GNAS: variants seen among roughly 807,000 people sequenced by gnomAD.
GNAS encodes the protein GNAS complex locus.
Under a neutral mutation model 54.5 loss-of-function variants are expected in GNAS, and 8 were observed. The ratio of observed to expected loss-of-function variants is 0.15; its 90% CI spans 0.09 to 0.26. The LOEUF (loss-of-function observed/expected upper bound fraction) is 0.26, where lower values mean the gene tolerates loss of function less well. Ranked by LOEUF, GNAS falls within the 10% of genes least tolerant of loss-of-function variation. The probability of loss-of-function intolerance (pLI) is 1.00; values close to 1 mark genes in which losing one functional copy is unlikely to be tolerated. For synonymous variants in GNAS, 204 were observed against 191.4 expected, an observed-to-expected ratio of 1.07 and a Z score of -0.54; for missense variants, 170 against 529.8, an observed-to-expected ratio of 0.32 and a Z score of 6.67.
At chr20:58,840,514 G>A, upstream of GNAS, 1 of 1,613,538 alleles carries the variant, frequency 6.2e-7, no homozygotes, top group Non-Finnish European at 8.5e-7. The surrounding 1 kb of genome is among the most constrained non-coding windows in gnomAD (Gnocchi z 6.0). Context: ...CCACCACTGA[G>A]CCCGAGACCG....
At chr20:58,855,414 A>T in intron 1 of GNAS, 97 of 1,219,730 alleles carry the variant, frequency 8.0e-5, no homozygotes, top group Non-Finnish European at 1.1e-4. Flanking sequence ...TGGTGGGGCT[A>T]GGGGCTCCGC....
intron 1 of GNAS, among the ~76,000 whole-genome samples, chr20:58,864,349 C>G (rs1031548015): frequency 6.6e-6 from 1 of 151,938 alleles, no homozygotes; most frequent in Non-Finnish European, 1.5e-5. Flanking sequence ...TTTGGGGGGG[C>G]CTTCATGGGC....
chr20:58,902,943 C>G (rs2090760627), intron 3 of GNAS: 1 of 182,268 alleles, frequency 5.5e-6, no homozygotes. Context: ...ACCATGTTGG[C>G]CAGACTGGTC....
At chr20:58,854,534 G>A in intron 1 of GNAS, 1 of 1,575,326 alleles carries the variant, frequency 6.3e-7, no homozygotes, top group Non-Finnish European at 8.5e-7. Context: ...CTGACTCCGG[G>A]GCATTCGCAG....
Position 58,841,956 on chromosome 20 carries a change from C to G in GNAS, c.43+1070C>G. 1 of 1,139,296 alleles carries G rather than the reference C, an allele frequency of 8.8e-7. No individual in the cohort carries two copies. Among genetic ancestry groups the G allele is most frequent in the Non-Finnish European group, 1.1e-6 (1 of 903,434 alleles). 70.6% of individuals were successfully genotyped at this position (1,139,296 alleles called of 1,614,324 possible). On this transcript the variant is annotated intron_variant, in intron 1 of 12. Coordinates refer to the GNAS transcript ENST00000306090. This position sits in a 1 kb window ranked among gnomAD's most constrained non-coding sequence, Gnocchi z 5.0. ...ACTTACAATTCGTTTCCAAAGAGCG[C>G]GGTACGCGCAGAGCTGGGGAAAGGT... is the stretch of plus-strand genomic sequence containing the variant.
At chr20:58,842,205 T>C in intron 1 of GNAS, 1 of 398,582 alleles carries the variant, frequency 2.5e-6, no homozygotes, top group African/African-American at 2.1e-5. Context: ...AGGCGTGCTC[T>C]CCTCGCCAGT....
At chr20:58,848,727 C>T (rs1471173743) in intron 1 of GNAS, among the ~76,000 whole-genome samples, 1 of 152,202 alleles carries the variant, frequency 6.6e-6, no homozygotes, top group Non-Finnish European at 1.5e-5. Context: ...AGTAAACCCA[C>T]TAGCCGATCA....
rs1452728127 is a variant in GNAS, at chr20:58,853,313, C to T, written c.43+12427C>T. On this transcript the variant is annotated intron_variant, in intron 1 of 12. Coordinates refer to the GNAS transcript ENST00000306090. The surrounding 1 kb of genome is among the most constrained non-coding windows in gnomAD (Gnocchi z 4.4). ...ACGGCAATAATATGTCAGGACAACG[C>T]GATATCCCCCCTGAAATCGGGGAAC... 1.3e-6 allele frequency: 2 copies of T among 1,550,118 alleles called. No homozygotes were observed. Among genetic ancestry groups the T allele is most frequent in the African/African-American group, 1.4e-5 (1 of 73,160 alleles).
chr20:58,877,450 T>C (rs1339365334), intron 1 of GNAS, among the ~76,000 whole-genome samples: 1 of 152,178 alleles, frequency 6.6e-6, no homozygotes, highest in Non-Finnish European at 1.5e-5. Flanking sequence ...CTGGTTCTCC[T>C]AGTTGTGCTC....
chr20:58,885,207 G>A (rs1228726865), intron 1 of GNAS, among the ~76,000 whole-genome samples: 2 of 152,154 alleles, frequency 1.3e-5, no homozygotes, highest in African/African-American at 2.4e-5. Flanking sequence ...GGAATTGGGC[G>A]TCTGTCCACA....
intron 1 of GNAS, chr20:58,854,830 C>A (rs752929649): frequency 6.3e-7 from 1 of 1,594,474 alleles, no homozygotes; most frequent in East Asian, 2.3e-5. Flanking sequence ...GCCTCCGGGG[C>A]CAGACGCAAG....
At position 58,841,600 on chromosome 20, in the gene GNAS, G is replaced by A. The variant is rs978305196; in HGVS notation, c.43+714G>A. Reference sequence around the variant, plus strand: ...CGCGGGACAGAGACCGCCTCAAAGAGCGTGCGCACCTGCCCGCGCGCGCCG... The same window carrying A: ...CGCGGGACAGAGACCGCCTCAAAGAACGTGCGCACCTGCCCGCGCGCGCCG... On this transcript the variant is annotated intron_variant, in intron 1 of 12. Transcript: ENST00000306090. The surrounding 1 kb of genome is among the most constrained non-coding windows in gnomAD (Gnocchi z 5.0). The A allele has an allele frequency of 9.7e-7, 1 of 1,027,320 alleles. No individual in the cohort carries two copies. Among genetic ancestry groups the A allele is most frequent in the Non-Finnish European group, 1.2e-6 (1 of 857,740 alleles). The allele number at this position is 1,027,320 out of a possible 1,614,324, so 63.6% of individuals were successfully genotyped here. A position where few individuals can be genotyped will look rare whatever the true frequency, so the allele number is the denominator to read the frequency against.
chr20:58,862,559 GT>G (rs371501357), intron 1 of GNAS, among the ~76,000 whole-genome samples: 23 of 145,644 alleles, frequency 1.6e-4, no homozygotes, highest in East Asian at 8.0e-4. Context: ...TTGTTGCTGG[GT>G]TTTTTTTTTG....
At chr20:58,891,142 TCTCCCCGGCCCGTCCC>T (rs2089213348), upstream of GNAS, among the ~76,000 whole-genome samples, 1 of 141,566 alleles carries the variant, frequency 7.1e-6, no homozygotes, top group Admixed American at 6.9e-5. Flanking sequence ...GTGGGGGGCG[TCTCCCCGGCCCGTCCC>T]GTCCCCGGCC....
At chr20:58,840,164 C>A (rs747725720), upstream of GNAS, 22 of 1,611,676 alleles carry the variant, frequency 1.4e-5, no homozygotes, top group East Asian at 4.9e-4. This position sits in a 1 kb window ranked among gnomAD's most constrained non-coding sequence, Gnocchi z 6.0. Context: ...TTACAACGAC[C>A]TGTGCCCGCC....
chr20:58,890,997 GGGA>G (rs1568975019), upstream of GNAS, among the ~76,000 whole-genome samples: 1 of 151,288 alleles, frequency 6.6e-6, no homozygotes, highest in Admixed American at 6.6e-5. Flanking sequence ...CCGCGGGAGG[GGGA>G]GGAGGCCTCG....
chr20:58,910,280 C>A lies in GNAS; in HGVS notation c.971-54C>A. ...TCAGGAGCTACAGAGATGCTAGCAC[C>A]CCAGCTCTGCTTGAATTTTAAATTA... On this transcript the variant is annotated intron_variant, in intron 11 of 12. Coordinates refer to ENST00000371085, the MANE Select transcript of GNAS (RefSeq NM_000516.7). The surrounding 1 kb of genome is among the most constrained non-coding windows in gnomAD (Gnocchi z 5.8). The A allele has an allele frequency of 1.4e-6, 2 of 1,398,006 alleles. No homozygotes were observed. The highest frequency in any genetic ancestry group is 2.0e-6 in the Non-Finnish European group (2 of 982,574). 86.6% of individuals were successfully genotyped at this position (1,398,006 alleles called of 1,614,324 possible).
In GNAS at chr20:58,870,543, G is replaced by A. The variant is rs1361969726; in HGVS notation, c.44-25069G>A. ...GAATTCTCTAGATGAAATGTAGGAT[G>A]CCCAAATGGAAAAAAAGCCCCATGT... is the stretch of plus-strand genomic sequence containing the variant. On this transcript the variant is annotated intron_variant, in intron 1 of 12. Transcript: ENST00000306090. Among the ~76,000 whole-genome samples, 5 of 152,330 alleles carry A rather than the reference G, an allele frequency of 3.3e-5. No homozygotes were observed. The South Asian group carries it at 1.0e-3, about 32-fold the overall frequency.
At position 58,841,802 on chromosome 20, in the gene GNAS, C is replaced by T. The variant is rs56413425; in HGVS notation, c.43+916C>T. ...GCTGGTCGGGTGGCCAGGCTGCATG[C>T]GGCTTAGCAGGAGACGTCCTGGGCT... On this transcript the variant is annotated intron_variant, in intron 1 of 12. Transcript: ENST00000306090. This position sits in a 1 kb window ranked among gnomAD's most constrained non-coding sequence, Gnocchi z 5.0. The T allele has an allele frequency of 3.3e-6, 4 of 1,230,540 alleles. No individual in the cohort carries two copies. The highest frequency in any genetic ancestry group is 4.0e-6 in the Non-Finnish European group (4 of 987,826). 76.2% of individuals were successfully genotyped at this position (1,230,540 alleles called of 1,614,324 possible).
Sources: allele counts gnomAD v4.1 joint callset (sites outside exome capture counted in the v4.1 genomes callset), GRCh38; gene constraint gnomAD v4.1.1; non-coding constraint Gnocchi (gnomAD v3.1); transcripts MANE v1.5; gene names NCBI Gene and HGNC (gene_info 2026-07-23, HGNC 2026-07-21).